Variants in CEP250 observed in about 807,000 individuals in gnomAD.
The protein encoded by CEP250 is centrosome-associated protein CEP250.
In CEP250, 242 loss-of-function variants were observed where a neutral mutation model predicts 315.7. That is an observed-to-expected ratio of 0.77 (90% CI 0.69 to 0.85). The LOEUF (loss-of-function observed/expected upper bound fraction) is 0.85. Ranked by LOEUF, CEP250 falls within the 40% of genes least tolerant of loss-of-function variation. The pLI is 0.00. For missense variants in CEP250, 2,515 were observed against 2,886.4 expected, an observed-to-expected ratio of 0.87 and a Z score of 2.95; for synonymous variants, 1,088 against 1,175.0, an observed-to-expected ratio of 0.93 and a Z score of 1.51.
chr20:35,470,059 T>A, intron 10 of CEP250, 73 bp downstream of exon 10: 1 of 944,736 alleles, frequency 1.1e-6, no homozygotes, highest in Non-Finnish European at 1.7e-6. Context: ...GGACAGATAG[T>A]GCAGGATACC....
At chr20:35,508,910 C>A in intron 32 of CEP250, 33 bp from the exon 33 acceptor site, 1 of 1,529,414 alleles carries the variant, frequency 6.5e-7, no homozygotes, top group Non-Finnish European at 8.8e-7. Flanking sequence ...CAGAGCCAAG[C>A]CGAGCCCTGA....
intron 10 of CEP250, among the ~76,000 whole-genome samples, chr20:35,471,623 T>A (rs1281801412): frequency 6.6e-6 from 1 of 152,220 alleles, no homozygotes; most frequent in Non-Finnish European, 1.5e-5. Context: ...AAGCATCCAT[T>A]TACTGTTCAG....
chr20:35,485,092 G>T (rs1030960751), intron 20 of CEP250, among the ~76,000 whole-genome samples: 7 of 148,456 alleles, frequency 4.7e-5, no homozygotes, highest in Non-Finnish European at 7.4e-5. Flanking sequence ...AAAGGTAAAG[G>T]CTGGGCGCAG....
At chr20:35,506,754 T>G (rs890223248) in intron 30 of CEP250, among the ~76,000 whole-genome samples, 5 of 152,174 alleles carry the variant, frequency 3.3e-5, no homozygotes, top group African/African-American at 1.2e-4. Flanking sequence ...GGTGAATGCC[T>G]TCACTCTGAT....
rs2146835633 is a variant in CEP250 at position 35,476,598 on chromosome 20, G to A, written c.1863+3G>A. 6.2e-7 allele frequency: 1 copy of A among 1,609,974 alleles called. No homozygotes were observed. The highest frequency in any genetic ancestry group is 2.2e-5 in the East Asian group (1 of 44,740). ...GGCTGAACCAGCAGCTTCTCCAGGT[G>A]AGCAAAGATTTTCCTGGTCCCCACA... On this transcript the variant is annotated splice_donor_region_variant and intron_variant, in intron 16 of 34. Coordinates refer to ENST00000397527, the MANE Select transcript of CEP250 (RefSeq NM_007186.6).
chr20:35,487,693 G>T (rs1488815133), intron 20 of CEP250, among the ~76,000 whole-genome samples: 2 of 152,076 alleles, frequency 1.3e-5, no homozygotes, highest in African/African-American at 4.8e-5. Context: ...CCAACAATTT[G>T]GGAGGCCAAG....
intron 15 of CEP250, 54 bp downstream of exon 15, chr20:35,475,700 C>T: frequency 2.5e-6 from 4 of 1,585,072 alleles, no homozygotes; most frequent in Non-Finnish European, 3.4e-6. Flanking sequence ...AAGTGTGTTC[C>T]CATGCAGCCT....
At chr20:35,477,780 A>G in intron 16 of CEP250, 91 bp from the exon 17 acceptor site, 1 of 996,482 alleles carries the variant, frequency 1.0e-6, no homozygotes, top group Non-Finnish European at 1.5e-6. Flanking sequence ...GAATAGATTC[A>G]TATCTCACTT....
rs2064383597 is a variant in CEP250, at chr20:35,512,469, T to C, written c.*843T>C. 6.6e-6 allele frequency: 1 copy of C among 152,252 alleles called. No individual in the cohort carries two copies. The highest frequency in any genetic ancestry group is 1.5e-5 in the Non-Finnish European group (1 of 68,060). The allele number at this position is 152,252 out of a possible 1,614,324, so 9.4% of individuals were successfully genotyped here. ...AGTCTCTGAGTTCAGAAGCTCCACA[T>C]GGCCTCATTCCTCTTCTACTCTGGG... On this transcript the variant is annotated 3_prime_UTR_variant, in exon 35 of 35. Coordinates refer to ENST00000397527, the MANE Select transcript of CEP250 (RefSeq NM_007186.6).
Position 35,504,527 on chromosome 20 carries a change from A to G in CEP250, c.6158A>G (p.His2053Arg). 6.2e-7 allele frequency: 1 copy of G among 1,614,012 alleles called. No individual in the cohort carries two copies. Among genetic ancestry groups the G allele is most frequent in the Non-Finnish European group, 8.5e-7 (1 of 1,179,912 alleles). ...GCCCAGAGGGATGAAGAGCTGAGACATCAGCAGGAACGGGAGCAGCTGCTG... is the reference window on the plus strand; with the variant it reads ...GCCCAGAGGGATGAAGAGCTGAGACGTCAGCAGGAACGGGAGCAGCTGCTG... ...ALAQRDEELR[H>R]QQEREQLLEK... Residue 2053 changes from histidine (H) to arginine (R), a missense_variant, in exon 30 of 35, where the codon CAT becomes CGT. Transcript: ENST00000397527.
chr20:35,490,003 A>AC (rs1484884695), intron 20 of CEP250, among the ~76,000 whole-genome samples: 1 of 151,996 alleles, frequency 6.6e-6, no homozygotes, highest in Admixed American at 6.6e-5. Context: ...ACATAGTGAG[A>AC]CCCCATCTCT....
At chr20:35,461,645 TGGCC>T (rs1437752656) in intron 3 of CEP250, among the ~76,000 whole-genome samples, 1 of 152,254 alleles carries the variant, frequency 6.6e-6, no homozygotes, top group African/African-American at 2.4e-5. Flanking sequence ...GCCAGCTGTG[TGGCC>T]TGGCACAAGT....
At position 35,515,064 on chromosome 20, in the gene CEP250, A is replaced by G. The variant is rs912613796; in HGVS notation, c.*3438A>G. 1.1e-4 allele frequency: 17 copies of G among 152,296 alleles called. No homozygotes were observed. Among genetic ancestry groups the G allele is most frequent in the African/African-American group, 3.9e-4 (16 of 41,556 alleles). 9.4% of individuals were successfully genotyped at this position (152,296 alleles called of 1,614,324 possible). ...TGGTGCTCAGTGATGGTTATCCTAT[A>G]TTCCAAATACGCATGGCCCAGGACT... is the stretch of plus-strand genomic sequence containing the variant. On this transcript the variant is annotated 3_prime_UTR_variant, in exon 35 of 35. Transcript: ENST00000397527.
chr20:35,515,351 T>A lies in CEP250; in HGVS notation c.*3725T>A, dbSNP rs1172905940. 1 of 152,248 alleles carries A rather than the reference T, an allele frequency of 6.6e-6. No individual in the cohort carries two copies. The allele number at this position is 152,248 out of a possible 1,614,324, so 9.4% of individuals were successfully genotyped here. On this transcript the variant is annotated 3_prime_UTR_variant, in exon 35 of 35. Transcript: ENST00000397527. ...ACCGGCCTCTGGAGATGGCGTGGTC[T>A]CCAGTTGCATCGGGGCTTCAGGGCC...
chr20:35,511,818 A>C lies in CEP250; in HGVS notation c.*192A>C. 7.1e-7 allele frequency: 1 copy of C among 1,408,668 alleles called. No homozygotes were observed. Among genetic ancestry groups the C allele is most frequent in the Non-Finnish European group, 9.2e-7 (1 of 1,085,588 alleles). 87.3% of individuals were successfully genotyped at this position (1,408,668 alleles called of 1,614,324 possible). ...ACCCCAACTCACCTGGGAATGAGGC[A>C]AATTGCATTTGCTTGCTCCCTATGG... On this transcript the variant is annotated 3_prime_UTR_variant, in exon 35 of 35. Coordinates refer to ENST00000397527, the MANE Select transcript of CEP250 (RefSeq NM_007186.6).
rs375021604 is a variant in CEP250 at position 35,478,085 on chromosome 20, A to G, written c.2078A>G (p.Gln693Arg). The change falls in exon 17 of 35, where the codon CAA becomes CGA. Residue 693 changes from glutamine to arginine, a missense_variant. Physicochemically the swap from Gln to Arg is conservative, Grantham distance 43. Transcript: ENST00000397527. ...RDIQEEKEEIQKKLSESRHQQ... is the reference protein window; with the variant it reads ...RDIQEEKEEIRKKLSESRHQQ... ...ATCCAAGAAGAGAAGGAAGAAATTC[A>G]AAAGAAACTAAGTGAGGTGAGAAGC... 6.8e-6 allele frequency: 11 copies of G among 1,613,428 alleles called. No homozygotes were observed. The highest frequency in any genetic ancestry group is 1.3e-5 in the African/African-American group (1 of 74,910).
chr20:35,463,630 G>T lies in CEP250; in HGVS notation c.242G>T (p.Gly81Val). 6.2e-7 allele frequency: 1 copy of T among 1,608,374 alleles called. No homozygotes were observed. The highest frequency in any genetic ancestry group is 8.5e-7 in the Non-Finnish European group (1 of 1,177,160). Residue 81 changes from glycine to valine, a missense_variant and splice_region_variant, in exon 5 of 35, where the codon GGA becomes GTA. Coordinates refer to ENST00000397527, the MANE Select transcript of CEP250 (RefSeq NM_007186.6). ...QELEKRLEATGGPIPQRWENV... is the reference protein window; with the variant it reads ...QELEKRLEATVGPIPQRWENV... ...CTGGAGAAGCGGCTAGAAGCCACTG[G>T]AGTGAGTGAGGCTGAGCTCTCTGCA...
At chr20:35,468,640 G>A (rs575841788) in intron 9 of CEP250, among the ~76,000 whole-genome samples, 1 of 152,152 alleles carries the variant, frequency 6.6e-6, no homozygotes, top group Non-Finnish European at 1.5e-5. Context: ...CTAGTACTTT[G>A]TACTTCACCT....
rs778073765 is a variant in CEP250 at position 35,479,389 on chromosome 20, C to G, written c.2253C>G (p.Asp751Glu). 1 of 1,614,104 alleles carries G rather than the reference C, an allele frequency of 6.2e-7. No individual in the cohort carries two copies. Among genetic ancestry groups the G allele is most frequent in the South Asian group, 1.1e-5 (1 of 91,090 alleles). The change falls in exon 18 of 35, where the codon GAC becomes GAG. Residue 751 changes from aspartate to glutamate, a missense_variant. By Grantham distance (45) the Asp-to-Glu change is conservative. Coordinates refer to ENST00000397527, the MANE Select transcript of CEP250 (RefSeq NM_007186.6). ...LEVRLQAVERDRQDLAEQLQG... is the reference protein window; with the variant it reads ...LEVRLQAVERERQDLAEQLQG... ...TGCGGCTGCAGGCCGTGGAGCGTGA[C>G]CGGCAGGACCTCGCTGAACAACTAC...
Sources: gnomAD v4.1 joint callset for allele counts (sites outside exome capture counted in the v4.1 genomes callset) on GRCh38, gnomAD v4.1.1 for gene constraint, MANE v1.5 for transcripts, NCBI Gene and HGNC (gene_info 2026-07-23, HGNC 2026-07-21) for gene names.